ZNF423: variants seen among roughly 807,000 people sequenced by gnomAD.
The protein encoded by ZNF423 is zinc finger protein 423.
In ZNF423, 12 loss-of-function variants were observed where a neutral mutation model predicts 95.8. The observed-to-expected ratio is 0.13, with a 90% CI of 0.08 to 0.20. The LOEUF (loss-of-function observed/expected upper bound fraction) is 0.20, where lower values mean the gene tolerates loss of function less well. Ranked by LOEUF, ZNF423 falls within the 10% of genes least tolerant of loss-of-function variation. The probability of loss-of-function intolerance (pLI) is 1.00; values close to 1 mark genes in which losing one functional copy is unlikely to be tolerated. For missense variants in ZNF423, 1,316 were observed against 1,737.1 expected (o/e 0.76, Z 4.31); for synonymous variants, 749 against 711.9 (o/e 1.05, Z -0.83).
intron 3 of ZNF423, among the ~76,000 whole-genome samples, chr16:49,709,555 G>A (rs1010699334): frequency 3.3e-5 from 5 of 152,208 alleles, no homozygotes; most frequent in Middle Eastern, 3.4e-3. Flanking sequence ...GGCAGCAACC[G>A]CCCTTCAGGA....
chr16:49,554,745 A>C (rs903364051), intron 5 of ZNF423, among the ~76,000 whole-genome samples: 1 of 152,010 alleles, frequency 6.6e-6, no homozygotes, highest in Non-Finnish European at 1.5e-5. Context: ...GGAAATTTGC[A>C]AAATACAAAA....
chr16:49,529,130 CTTT>C (rs34615288), intron 5 of ZNF423, among the ~76,000 whole-genome samples: 1 of 144,480 alleles, frequency 6.9e-6, no homozygotes. Context: ...TTTTCTGTGC[CTTT>C]TTTTTTTTTA....
chr16:49,684,122 G>T (rs2031474626), intron 3 of ZNF423, among the ~76,000 whole-genome samples: 1 of 152,162 alleles, frequency 6.6e-6, no homozygotes, highest in Non-Finnish European at 1.5e-5. Context: ...ACAGACCACA[G>T]ATGCAGGTCA....
intron 3 of ZNF423, among the ~76,000 whole-genome samples, chr16:49,651,017 T>C (rs576657211): frequency 3.9e-4 from 54 of 137,280 alleles, no homozygotes; most frequent in African/African-American, 1.3e-3. Flanking sequence ...CACTTTTGGC[T>C]TTTTTTTTTT....
At chr16:49,854,689 C>T in intron 1 of ZNF423, 1 of 985,452 alleles carries the variant, frequency 1.0e-6, no homozygotes, top group Non-Finnish European at 1.2e-6. Context: ...CTGGAAAGGC[C>T]AGCCGCGGGG....
At chr16:49,502,003 C>T (rs1323959041) in intron 7 of ZNF423, among the ~76,000 whole-genome samples, 1 of 152,186 alleles carries the variant, frequency 6.6e-6, no homozygotes, top group East Asian at 1.9e-4. Context: ...ATGTAATTAA[C>T]CTGCACATGT....
chr16:49,563,047 T>C (rs938921114), intron 5 of ZNF423, among the ~76,000 whole-genome samples: 1 of 152,166 alleles, frequency 6.6e-6, no homozygotes, highest in African/African-American at 2.4e-5. Flanking sequence ...CCTCCCAAAG[T>C]GCTGGAATTA....
Position 49,501,061 on chromosome 16 carries a change from A to T in ZNF423, c.3850-9757T>A, listed in dbSNP as rs118179271. 9.6e-3 allele frequency among the ~76,000 whole-genome samples: 1,460 copies of T among 152,274 alleles called. 17 individuals carry two copies. The highest frequency in any genetic ancestry group is 0.027 in the Middle Eastern group (8 of 294). On this transcript the variant is annotated intron_variant, in intron 7 of 7. Transcript: ENST00000563137. ...TCAGCAGGGGTACCAATGCTCAGAA[A>T]ATGTTTATGTCATGAAAAAGAGCGG...
intron 3 of ZNF423, among the ~76,000 whole-genome samples, chr16:49,694,181 G>C (rs1198831457): frequency 1.3e-5 from 2 of 152,210 alleles, no homozygotes; most frequent in Non-Finnish European, 2.9e-5. Flanking sequence ...ATGGAAAGGA[G>C]GGAAGTAGGA....
At position 49,717,865 on chromosome 16, in the gene ZNF423, T is replaced by C. The variant is rs59608031; in HGVS notation, c.301+12906A>G. 5.0e-3 allele frequency among the ~76,000 whole-genome samples: 756 copies of C among 152,230 alleles called. 12 individuals carry two copies. Among genetic ancestry groups the C allele is most frequent in the African/African-American group, 0.017 (726 of 41,530 alleles). ...TGACATAGCGTCAGAGCACAGTAAA[T>C]AACCCTTTGGCAGTGAACCGGCTCC... On this transcript the variant is annotated intron_variant, in intron 3 of 7. Coordinates refer to ENST00000563137, the MANE Select transcript of ZNF423 (RefSeq NM_001379286.1).
At chr16:49,815,907 TATA>T (rs2034844045) in intron 1 of ZNF423, among the ~76,000 whole-genome samples, 2 of 42,826 alleles carry the variant, frequency 4.7e-5, no homozygotes, top group Non-Finnish European at 8.6e-5. Context: ...TATATATATA[TATA>T]TATATTTTTT....
At chr16:49,550,158 G>A (rs920390009) in intron 5 of ZNF423, among the ~76,000 whole-genome samples, 2 of 152,146 alleles carry the variant, frequency 1.3e-5, no homozygotes, top group Admixed American at 1.3e-4. Flanking sequence ...ATGAGCCACT[G>A]AGCCCAGCCT....
At chr16:49,653,655 G>A (rs1040495935) in intron 3 of ZNF423, among the ~76,000 whole-genome samples, 1 of 152,172 alleles carries the variant, frequency 6.6e-6, no homozygotes, top group Non-Finnish European at 1.5e-5. Flanking sequence ...TGGCTTAGAG[G>A]GAAGCAGATG....
At chr16:49,674,686 G>A (rs916313775) in intron 3 of ZNF423, among the ~76,000 whole-genome samples, 1 of 152,218 alleles carries the variant, frequency 6.6e-6, no homozygotes, top group Non-Finnish European at 1.5e-5. Flanking sequence ...AGGCAGCCAC[G>A]CAGTGCTGTG....
chr16:49,685,907 A>AT (rs2031544954), intron 3 of ZNF423, among the ~76,000 whole-genome samples: 2 of 151,956 alleles, frequency 1.3e-5, no homozygotes, highest in Admixed American at 1.3e-4. Flanking sequence ...CCTACCACCA[A>AT]TCCCCCCAAC....
At position 49,722,809 on chromosome 16, in the gene ZNF423, A is replaced by G. The variant is rs746508068; in HGVS notation, c.301+7962T>C. Reference sequence around the variant, plus strand: ...TCCTGCGGAGAGGGAAGAGAATAAGACCCCAAGCCTGGACATCATGGAACA... The same window carrying G: ...TCCTGCGGAGAGGGAAGAGAATAAGGCCCCAAGCCTGGACATCATGGAACA... On this transcript the variant is annotated intron_variant, in intron 3 of 7. Transcript: ENST00000563137. Among the ~76,000 whole-genome samples, 15 of 152,194 alleles carry G rather than the reference A, an allele frequency of 9.9e-5. No individual in the cohort carries two copies. The South Asian group carries it at 3.1e-3, about 32-fold the overall frequency.
intron 3 of ZNF423, among the ~76,000 whole-genome samples, chr16:49,689,066 T>G (rs1305152222): frequency 6.6e-6 from 1 of 152,088 alleles, no homozygotes; most frequent in Non-Finnish European, 1.5e-5. Flanking sequence ...GGTTTGGGTG[T>G]AGGGATGAGA....
intron 5 of ZNF423, among the ~76,000 whole-genome samples, chr16:49,563,011 C>A (rs968503027): frequency 1.1e-4 from 17 of 152,172 alleles, no homozygotes; most frequent in Non-Finnish European, 2.4e-4. Flanking sequence ...TCTTGATCTC[C>A]TGACCTCATG....
At position 49,636,458 on chromosome 16, in the gene ZNF423, C is replaced by T. The variant is rs1972709856; in HGVS notation, c.2718G>A (p.Glu906=). 6.2e-7 allele frequency: 1 copy of T among 1,613,472 alleles called. No individual in the cohort carries two copies. Among genetic ancestry groups the T allele is most frequent in the East Asian group, 2.2e-5 (1 of 44,898 alleles). ...CDICGAAYTM[E]VLLQNHRLRD... is the part of the protein sequence containing the mutation. ...GCAGCCGGTGATTCTGCAGCAGCAC[C>T]TCCATGGTGTAGGCCGCCCCACAGA... is the stretch of plus-strand genomic sequence containing the variant. The change falls in exon 4 of 8, where the codon GAG becomes GAA. Residue 906 remains glutamate (E), a synonymous_variant. Coordinates refer to ENST00000563137, the MANE Select transcript of ZNF423 (RefSeq NM_001379286.1). The surrounding 1 kb of genome is among the most constrained non-coding windows in gnomAD (Gnocchi z 8.6).
Sources: gnomAD v4.1 joint callset for allele counts (sites outside exome capture counted in the v4.1 genomes callset) on GRCh38, gnomAD v4.1.1 for gene constraint, Gnocchi (gnomAD v3.1) non-coding constraint, MANE v1.5 for transcripts, NCBI Gene and HGNC (gene_info 2026-07-23, HGNC 2026-07-21) for gene names.